The following BOLL variants were observed in gnomAD, a reference collection of about 807,000 sequenced individuals.
BOLL encodes protein boule-like.
In BOLL, 23 loss-of-function variants were observed where a neutral mutation model predicts 44.4. The ratio of observed to expected loss-of-function variants is 0.52; its 90% CI spans 0.37 to 0.73. BOLL has a LOEUF of 0.73. Among genes scored for constraint, BOLL ranks in the 30% least tolerant of loss-of-function variants. The probability of loss-of-function intolerance (pLI) is 0.00; values close to 1 mark genes in which losing one functional copy is unlikely to be tolerated. For synonymous variants in BOLL, 97 were observed against 110.8 expected, an observed-to-expected ratio of 0.88 and a Z score of 0.78; for missense variants, 287 against 338.3, an observed-to-expected ratio of 0.85 and a Z score of 1.19.
At chr2:197,747,256 C>A (rs553520847) in intron 9 of BOLL, among the ~76,000 whole-genome samples, 1 of 151,860 alleles carries the variant, frequency 6.6e-6, no homozygotes, top group Admixed American at 6.6e-5. Flanking sequence ...TTTAGTAAAG[C>A]TGAGGATAAA....
At chr2:197,738,437 G>A (rs774310857) in intron 10 of BOLL, among the ~76,000 whole-genome samples, 5 of 152,068 alleles carry the variant, frequency 3.3e-5, no homozygotes, top group Non-Finnish European at 2.9e-5. Context: ...GCCCTAATTA[G>A]TATTATATTA....
chr2:197,784,456 C>CAG (rs1303103774), intron 1 of BOLL, among the ~76,000 whole-genome samples: 32 of 123,624 alleles, frequency 2.6e-4, no homozygotes, highest in African/African-American at 9.7e-4. Context: ...ATATTTGAGA[C>CAG]AGTCTTGCTC....
In BOLL at chr2:197,753,334, T is replaced by C. The variant is rs550721828; in HGVS notation, c.729+3094A>G. Among the ~76,000 whole-genome samples, 408 of 152,224 alleles carry C rather than the reference T, an allele frequency of 2.7e-3. 3 individuals are homozygous for C. The highest frequency in any genetic ancestry group is 0.01 in the Middle Eastern group (3 of 294). On this transcript the variant is annotated intron_variant, in intron 9 of 10. Coordinates refer to ENST00000392296, the MANE Select transcript of BOLL (RefSeq NM_033030.6). ...AGCTTCTGAACAGCAAAAGAAACTA[T>C]CATCAGAGTGAACAGGCAACATACA...
chr2:197,739,070 G>A (rs568922312), intron 10 of BOLL, among the ~76,000 whole-genome samples: 2 of 152,022 alleles, frequency 1.3e-5, no homozygotes, highest in Non-Finnish European at 2.9e-5. Context: ...CTCTGAGTGG[G>A]GTATCGTTTT....
intron 6 of BOLL, among the ~76,000 whole-genome samples, chr2:197,769,529 G>A (rs537787125): frequency 3.3e-5 from 5 of 152,218 alleles, no homozygotes; most frequent in Non-Finnish European, 7.4e-5. Flanking sequence ...AGAAATAAAG[G>A]GTATTCAATT....
chr2:197,758,793 A>C, intron 7 of BOLL: 2 of 559,512 alleles, frequency 3.6e-6, no homozygotes, highest in Non-Finnish European at 6.0e-6. Flanking sequence ...ATTTGCTTTA[A>C]TATAAATTAT....
At chr2:197,786,177 C>T, upstream of BOLL, 1 of 923,458 alleles carries the variant, frequency 1.1e-6, no homozygotes, top group South Asian at 2.0e-5. The surrounding 1 kb of genome is among the most constrained non-coding windows in gnomAD (Gnocchi z 5.9). Flanking sequence ...CCTGAACCTG[C>T]CACCTGGCGG....
At position 197,755,081 on chromosome 2, in the gene BOLL, G is replaced by A. The variant is rs533527222; in HGVS notation, c.729+1347C>T. Among the ~76,000 whole-genome samples, 12 of 152,146 alleles carry A rather than the reference G, an allele frequency of 7.9e-5. No individual in the cohort carries two copies. The South Asian group carries it at 1.2e-3, about 16-fold the overall frequency. The stretch of plus-strand genomic sequence containing the variant: ...AAACAAAGAACCTCGTTAAAAAGTC[G>A]GCAAAGGACACGAACAGACACTTCT... On this transcript the variant is annotated intron_variant, in intron 9 of 10. Transcript: ENST00000392296.
intron 10 of BOLL, among the ~76,000 whole-genome samples, chr2:197,732,312 T>C (rs1464233907): frequency 6.6e-6 from 1 of 152,024 alleles, no homozygotes; most frequent in Non-Finnish European, 1.5e-5. Context: ...ATTGTGGCAA[T>C]AATCAATAGC....
At chr2:197,781,468 C>T (rs1333104136) in intron 2 of BOLL, among the ~76,000 whole-genome samples, 2 of 152,116 alleles carry the variant, frequency 1.3e-5, no homozygotes, top group Non-Finnish European at 2.9e-5. Context: ...GGCTTCTAGT[C>T]TCACTCTGTC....
chr2:197,779,585 C>G (rs931445067), intron 2 of BOLL, among the ~76,000 whole-genome samples: 1 of 151,924 alleles, frequency 6.6e-6, no homozygotes, highest in African/African-American at 2.4e-5. Context: ...ACTGTGAGAA[C>G]AATGGAGTGA....
At chr2:197,759,638 TG>T (rs1360035767) in intron 7 of BOLL, among the ~76,000 whole-genome samples, 4 of 152,126 alleles carry the variant, frequency 2.6e-5, no homozygotes, top group Non-Finnish European at 5.9e-5. Flanking sequence ...GGCTCAAGAT[TG>T]GCTGTGATTC....
Position 197,727,595 on chromosome 2 carries a change from T to C in BOLL, c.*960A>G, listed in dbSNP as rs1686900920. The stretch of plus-strand genomic sequence containing the variant: ...TTTGGTGTAAAAAATAGTTTTGCAT[T>C]TTATGAAAACAATTGTCCTTTTAAA... On this transcript the variant is annotated 3_prime_UTR_variant, in exon 11 of 11. Coordinates refer to ENST00000392296, the MANE Select transcript of BOLL (RefSeq NM_033030.6). 6.6e-6 allele frequency: 1 copy of C among 152,336 alleles called. No homozygotes were observed. Among genetic ancestry groups the C allele is most frequent in the African/African-American group, 2.4e-5 (1 of 41,446 alleles). The allele number at this position is 152,336 out of a possible 1,614,324, so 9.4% of individuals were successfully genotyped here.
intron 9 of BOLL, among the ~76,000 whole-genome samples, chr2:197,755,318 T>C (rs1204577864): frequency 6.6e-6 from 1 of 152,218 alleles, no homozygotes; most frequent in African/African-American, 2.4e-5. Context: ...AGTTCAACCA[T>C]TGTGGAAGAC....
intron 10 of BOLL, among the ~76,000 whole-genome samples, chr2:197,736,394 T>C (rs948823082): frequency 2.6e-5 from 4 of 152,096 alleles, no homozygotes; most frequent in Non-Finnish European, 4.4e-5. Context: ...GATCTTAGAT[T>C]AGATCCTAGA....
intron 10 of BOLL, among the ~76,000 whole-genome samples, chr2:197,732,084 GA>G (rs1687212933): frequency 6.7e-6 from 1 of 149,266 alleles, no homozygotes; most frequent in Non-Finnish European, 1.5e-5. Flanking sequence ...AAGAAAAAAA[GA>G]GAGAAGAATC....
At position 197,774,286 on chromosome 2, in the gene BOLL, A is replaced by AT. The variant is rs200946424; in HGVS notation, c.352+1378dup. 92 of 165,754 alleles carry AT rather than the reference A, an allele frequency of 5.6e-4. 1 individual carries two copies. The East Asian group carries it at 0.017, about 30-fold the overall frequency. The allele number at this position is 165,754 out of a possible 1,614,324, so 10.3% of individuals were successfully genotyped here. On this transcript the variant is annotated intron_variant, in intron 5 of 10. Transcript: ENST00000392296. ...TATACATGATGTTTTTGCATAAATC[A>AT]TGAGACTTTAAAGAAAATTTGCAAT...
At chr2:197,774,061 C>T in intron 5 of BOLL, 1 of 459,418 alleles carries the variant, frequency 2.2e-6, no homozygotes, top group South Asian at 1.6e-5. Flanking sequence ...CATTTGAAGG[C>T]TAGTGCTACC....
intron 7 of BOLL, among the ~76,000 whole-genome samples, chr2:197,759,374 C>A (rs1427069676): frequency 4.6e-5 from 7 of 152,226 alleles, no homozygotes; most frequent in African/African-American, 1.7e-4. Flanking sequence ...CAGGAGAATC[C>A]CACAGTCTCA....
Sources: allele counts gnomAD v4.1 joint callset (sites outside exome capture counted in the v4.1 genomes callset), GRCh38; gene constraint gnomAD v4.1.1; non-coding constraint Gnocchi (gnomAD v3.1); transcripts MANE v1.5; gene names NCBI Gene and HGNC (gene_info 2026-07-23, HGNC 2026-07-21).